The following DNAJC11 variants were observed in gnomAD, a reference collection of about 807,000 sequenced individuals.
The protein encoded by DNAJC11 is DnaJ heat shock protein family (Hsp40) member C11, also known as dnaJ homolog subfamily C member 11.
In DNAJC11, 15 loss-of-function variants were observed where a neutral mutation model predicts 78.6. The ratio of observed to expected loss-of-function variants is 0.19; its 90% CI spans 0.13 to 0.29. The LOEUF is 0.29. Among genes scored for constraint, DNAJC11 ranks in the 10% least tolerant of loss-of-function variants. DNAJC11 has a pLI of 1.00. For missense variants in DNAJC11, 547 were observed against 709.6 expected (o/e 0.77, Z 2.60); for synonymous variants, 292 against 272.1 (o/e 1.07, Z -0.72).
intron 7 of DNAJC11, 71 bp from the exon 8 acceptor site, chr1:6,646,049 G>C: frequency 6.6e-7 from 1 of 1,506,686 alleles, no homozygotes; most frequent in South Asian, 1.2e-5. Flanking sequence ...CTTCCTCTCT[G>C]CCTGGCTAAG....
At chr1:6,695,946 T>C (rs904338022) in intron 1 of DNAJC11, among the ~76,000 whole-genome samples, 1 of 152,238 alleles carries the variant, frequency 6.6e-6, no homozygotes, top group Admixed American at 6.5e-5. Context: ...TCTATCCCAT[T>C]GTTAACTAAG....
At chr1:6,659,510 A>G (rs1642176119) in intron 4 of DNAJC11, among the ~76,000 whole-genome samples, 1 of 152,212 alleles carries the variant, frequency 6.6e-6, no homozygotes, top group South Asian at 2.1e-4. Context: ...CTGTAATCAC[A>G]GCGCTCTGGG....
intron 7 of DNAJC11, among the ~76,000 whole-genome samples, chr1:6,648,547 C>T (rs1291899688): frequency 2.6e-5 from 4 of 152,140 alleles, no homozygotes; most frequent in Admixed American, 2.0e-4. Context: ...GCCTCGACCT[C>T]CTGGCCTCAA....
chr1:6,639,512 A>T (rs1029922418), intron 11 of DNAJC11, among the ~76,000 whole-genome samples: 1 of 151,578 alleles, frequency 6.6e-6, no homozygotes, highest in African/African-American at 2.4e-5. Context: ...CTATTTTTTT[A>T]GTAGAGACAG....
intron 1 of DNAJC11, among the ~76,000 whole-genome samples, chr1:6,682,464 G>A (rs1027022470): frequency 3.3e-5 from 5 of 152,098 alleles, no homozygotes; most frequent in African/African-American, 1.2e-4. Flanking sequence ...TTGGCCCATC[G>A]GTCCCACATG....
chr1:6,687,718 C>T (rs1389309235), intron 1 of DNAJC11, among the ~76,000 whole-genome samples: 1 of 152,114 alleles, frequency 6.6e-6, no homozygotes, highest in Non-Finnish European at 1.5e-5. Context: ...TCAACGCCCC[C>T]CTTCTCTCAT....
chr1:6,647,832 A>G (rs1641989650), intron 7 of DNAJC11, among the ~76,000 whole-genome samples: 1 of 152,022 alleles, frequency 6.6e-6, no homozygotes, highest in African/African-American at 2.4e-5. Flanking sequence ...AACAAAACAA[A>G]CAAAAAAAAG....
rs750891314 is a variant in DNAJC11, at chr1:6,634,660, C to T, written c.*1015G>A. 2.2e-6 allele frequency: 3 copies of T among 1,366,470 alleles called. No individual in the cohort carries two copies. The highest frequency in any genetic ancestry group is 2.9e-6 in the Non-Finnish European group (3 of 1,021,816). 84.6% of individuals were successfully genotyped at this position (1,366,470 alleles called of 1,614,324 possible). A position where few individuals can be genotyped will look rare whatever the true frequency, so the allele number is the denominator to read the frequency against. On this transcript the variant is annotated 3_prime_UTR_variant, in exon 16 of 16. Transcript: ENST00000377577. ...GTCCAGGCCGTGGAGGGGGTCCTAG[C>T]TCCGCTGCATTCTGCATCCCAAGTG...
At position 6,680,864 on chromosome 1, in the gene DNAJC11, ATC is replaced by A; in HGVS notation, c.202+42_202+43del. 6.3e-7 allele frequency: 1 copy of A among 1,599,200 alleles called. No individual in the cohort carries two copies. Among genetic ancestry groups the A allele is most frequent in the Non-Finnish European group, 8.5e-7 (1 of 1,169,960 alleles). The stretch of plus-strand genomic sequence containing the variant: ...AAATCGCACCTCCTAAAAATCGAAT[ATC>A]TGTTACCAGGATGTTTCTACAAAGT... On this transcript the variant is annotated intron_variant, in intron 2 of 15. Transcript: ENST00000377577. The surrounding 1 kb of genome is among the most constrained non-coding windows in gnomAD (Gnocchi z 4.0).
At position 6,680,213 on chromosome 1, in the gene DNAJC11, T is replaced by C. The variant is rs2147878635; in HGVS notation, c.202+695A>G. Among the ~76,000 whole-genome samples, 1 of 152,346 alleles carries C rather than the reference T, an allele frequency of 6.6e-6. No individual in the cohort carries two copies. The highest frequency in any genetic ancestry group is 2.4e-5 in the African/African-American group (1 of 41,588). Reference sequence around the variant, plus strand: ...TTAATTTAAATTTTAAAAATGGTGGTAAAATATACATATAATATTTACCAT... The same window carrying C: ...TTAATTTAAATTTTAAAAATGGTGGCAAAATATACATATAATATTTACCAT... On this transcript the variant is annotated intron_variant, in intron 2 of 15. Coordinates refer to ENST00000377577, the MANE Select transcript of DNAJC11 (RefSeq NM_018198.4). This position sits in a 1 kb window ranked among gnomAD's most constrained non-coding sequence, Gnocchi z 4.0.
At chr1:6,687,397 C>T (rs1570311257) in intron 1 of DNAJC11, among the ~76,000 whole-genome samples, 1 of 149,044 alleles carries the variant, frequency 6.7e-6, no homozygotes, top group African/African-American at 2.5e-5. Flanking sequence ...CGCTCTGTCG[C>T]CCAGGCTGGA....
chr1:6,635,734 A>C lies in DNAJC11; in HGVS notation c.1655-34T>G, dbSNP rs769899856. 21 of 1,613,984 alleles carry C rather than the reference A, an allele frequency of 1.3e-5. No individual in the cohort carries two copies. In the South Asian group the frequency reaches 2.3e-4, roughly 18 times the overall value. ...GAAAAGACAGACGCAGGTGATCAGA[A>C]GGTGGCCATTCCCATGCACCTTTCT... On this transcript the variant is annotated intron_variant, in intron 15 of 15. Coordinates refer to ENST00000377577, the MANE Select transcript of DNAJC11 (RefSeq NM_018198.4).
rs1642120217 is a variant in DNAJC11, at chr1:6,655,962, C to T, written c.379-1923G>A. Among the ~76,000 whole-genome samples the T allele has an allele frequency of 2.6e-5, 4 of 151,320 alleles. 1 individual carries two copies. In the South Asian group the frequency reaches 6.2e-4, roughly 24 times the overall value. On this transcript the variant is annotated intron_variant, in intron 4 of 15. Transcript: ENST00000377577. ...ACTAAAAATACAAAAATTAGCCGGG[C>T]GTGGTGGTGCGCACCTATAATCCCA...
In DNAJC11 at chr1:6,634,950, C is replaced by A; in HGVS notation, c.*725G>T. ...AGGGACACAGGCCAGCTCAAGCCCG[C>A]TGGTGGCAGGGCGTTTTCCCACCGG... On this transcript the variant is annotated 3_prime_UTR_variant, in exon 16 of 16. Coordinates refer to ENST00000377577, the MANE Select transcript of DNAJC11 (RefSeq NM_018198.4). 1 of 1,054,436 alleles carries A rather than the reference C, an allele frequency of 9.5e-7. No individual in the cohort carries two copies. The highest frequency in any genetic ancestry group is 1.2e-6 in the Non-Finnish European group (1 of 825,598). 65.3% of individuals were successfully genotyped at this position (1,054,436 alleles called of 1,614,324 possible).
At chr1:6,646,187 T>C (rs1356898550) in intron 7 of DNAJC11, among the ~76,000 whole-genome samples, 1 of 151,906 alleles carries the variant, frequency 6.6e-6, no homozygotes, top group Non-Finnish European at 1.5e-5. Flanking sequence ...ACCTCCCGAC[T>C]CCCCTCAGCC....
At chr1:6,691,277 C>T (rs191199669) in intron 1 of DNAJC11, among the ~76,000 whole-genome samples, 137 of 143,998 alleles carry the variant, frequency 9.5e-4, no homozygotes, top group African/African-American at 3.3e-3. Flanking sequence ...ATCTCGGCTA[C>T]AATCACAGAA....
intron 1 of DNAJC11, among the ~76,000 whole-genome samples, chr1:6,689,701 A>G (rs277685): frequency 0.32 from 48,605 of 151,456 alleles, 8,044 homozygotes; most frequent in Non-Finnish European, 0.35. Flanking sequence ...GCTTGAACCC[A>G]GGAGGCGGAG....
At chr1:6,701,681 C>T in intron 1 of DNAJC11, 48 bp downstream of exon 1, 7 of 1,484,836 alleles carry the variant, frequency 4.7e-6, no homozygotes, top group Non-Finnish European at 6.3e-6. Flanking sequence ...CCCTCCCGAA[C>T]GACCGGGCTC....
In DNAJC11 at chr1:6,634,483, G is replaced by T; in HGVS notation, c.*1192C>A. On this transcript the variant is annotated 3_prime_UTR_variant, in exon 16 of 16. Transcript: ENST00000377577. Reference sequence around the variant, plus strand: ...CTGACTTCAGCAACAGCTGTGGGTGGGCTGGAGGCCGGCGCAGCTTGGGGC... The same window carrying T: ...CTGACTTCAGCAACAGCTGTGGGTGTGCTGGAGGCCGGCGCAGCTTGGGGC... The T allele has an allele frequency of 2.3e-6, 3 of 1,330,154 alleles. No individual in the cohort carries two copies. The South Asian group carries it at 3.6e-5, about 16-fold the overall frequency. 82.4% of individuals were successfully genotyped at this position (1,330,154 alleles called of 1,614,324 possible).
Sources: gnomAD v4.1 joint callset for allele counts (sites outside exome capture counted in the v4.1 genomes callset) on GRCh38, gnomAD v4.1.1 for gene constraint, Gnocchi (gnomAD v3.1) non-coding constraint, MANE v1.5 for transcripts, NCBI Gene and HGNC (gene_info 2026-07-23, HGNC 2026-07-21) for gene names.